The following CDKAL1 variants were observed in gnomAD, a reference collection of about 807,000 sequenced individuals.
The protein encoded by CDKAL1 is CDKAL1 threonylcarbamoyladenosine tRNA methylthiotransferase.
Under a neutral mutation model 68.2 loss-of-function variants are expected in CDKAL1, and 32 were observed. That is an observed-to-expected ratio of 0.47 (90% CI 0.35 to 0.63). The LOEUF is 0.63. Among genes scored for constraint, CDKAL1 ranks in the 30% least tolerant of loss-of-function variants. The pLI is 0.00. For synonymous variants in CDKAL1, 234 were observed against 244.3 expected, an observed-to-expected ratio of 0.96 and a Z score of 0.39; for missense variants, 606 against 696.7, an observed-to-expected ratio of 0.87 and a Z score of 1.47.
At chr6:20,919,280 G>A (rs865829600) in intron 9 of CDKAL1, among the ~76,000 whole-genome samples, 3 of 152,176 alleles carry the variant, frequency 2.0e-5, no homozygotes, top group Non-Finnish European at 4.4e-5. Flanking sequence ...TTTAAATCAC[G>A]ATCAGAGACA....
chr6:20,680,436 A>G (rs1001301198), intron 5 of CDKAL1, among the ~76,000 whole-genome samples: 2 of 152,224 alleles, frequency 1.3e-5, no homozygotes, highest in Non-Finnish European at 2.9e-5. Context: ...ATATGACATT[A>G]TATTTGAAAT....
At chr6:20,877,533 G>A (rs1381454004) in intron 9 of CDKAL1, among the ~76,000 whole-genome samples, 2 of 152,208 alleles carry the variant, frequency 1.3e-5, no homozygotes, top group African/African-American at 4.8e-5. Context: ...GCTGAGACCT[G>A]TGTCACTGAT....
At chr6:20,872,710 G>C (rs376648932) in intron 9 of CDKAL1, among the ~76,000 whole-genome samples, 1,337 of 3,800 alleles carry the variant, frequency 0.35, 20 homozygotes, top group African/African-American at 0.36. Context: ...ATGGTAGGAA[G>C]ATAATTCAGT....
In CDKAL1 at chr6:20,930,549, C is replaced by T. The variant is rs75626385; in HGVS notation, c.743-24870C>T. On this transcript the variant is annotated intron_variant, in intron 9 of 15. Transcript: ENST00000274695. ...ATTTCGTATTTCCAAAGGCAATGGC[C>T]GCTGGTCCAGTAAACAAAACCCATG... is the stretch of plus-strand genomic sequence containing the variant. Among the ~76,000 whole-genome samples the T allele has an allele frequency of 1.5e-3, 231 of 152,212 alleles. No individual in the cohort carries two copies. In the East Asian group the frequency reaches 0.027, roughly 18 times the overall value.
intron 8 of CDKAL1, among the ~76,000 whole-genome samples, chr6:20,822,743 C>G (rs1194188528): frequency 1.3e-5 from 2 of 152,170 alleles, no homozygotes; most frequent in Non-Finnish European, 2.9e-5. Flanking sequence ...TCCCCCTTCA[C>G]TCAGCCCTTC....
intron 13 of CDKAL1, among the ~76,000 whole-genome samples, chr6:21,192,645 C>T (rs1415280717): frequency 1.3e-5 from 2 of 152,066 alleles, no homozygotes. Flanking sequence ...CTTGGAAATA[C>T]TATAGCATTT....
At chr6:21,007,122 T>C (rs904875589) in intron 11 of CDKAL1, among the ~76,000 whole-genome samples, 10 of 152,058 alleles carry the variant, frequency 6.6e-5, no homozygotes, top group Non-Finnish European at 1.3e-4. Context: ...ATAAAACAAA[T>C]GTCAGGGTTC....
intron 13 of CDKAL1, among the ~76,000 whole-genome samples, chr6:21,142,877 A>G (rs1775987745): frequency 6.6e-6 from 1 of 152,234 alleles, no homozygotes; most frequent in Non-Finnish European, 1.5e-5. Context: ...TATGACCCTC[A>G]TAAAGATTGT....
At chr6:21,054,367 T>TA (rs1373177063) in intron 11 of CDKAL1, among the ~76,000 whole-genome samples, 8 of 152,098 alleles carry the variant, frequency 5.3e-5, no homozygotes, top group African/African-American at 1.7e-4. Flanking sequence ...GCTTTATAGT[T>TA]AGTCTTTAAA....
intron 9 of CDKAL1, among the ~76,000 whole-genome samples, chr6:20,920,718 GAAAGCATTTAC>G (rs1205394340): frequency 1.3e-5 from 2 of 152,106 alleles, no homozygotes; most frequent in Non-Finnish European, 2.9e-5. Context: ...GTATGCCCAA[GAAAGCATTTAC>G]AATGAAAAAA....
chr6:21,140,077 A>G (rs560292305), intron 13 of CDKAL1, among the ~76,000 whole-genome samples: 27 of 152,308 alleles, frequency 1.8e-4, no homozygotes, highest in African/African-American at 6.5e-4. Flanking sequence ...CAGAAGATCA[A>G]GGAGGAGGAA....
At chr6:21,203,691 CTTTTT>C (rs915087377) in intron 15 of CDKAL1, among the ~76,000 whole-genome samples, 1 of 94,132 alleles carries the variant, frequency 1.1e-5, no homozygotes, top group Admixed American at 1.1e-4. Context: ...CACTTGACCT[CTTTTT>C]TTTTTTTTTT....
chr6:20,938,820 C>T (rs1414336911), intron 9 of CDKAL1, among the ~76,000 whole-genome samples: 1 of 151,888 alleles, frequency 6.6e-6, no homozygotes, highest in African/African-American at 2.4e-5. Flanking sequence ...ACTTTCTACT[C>T]CAATGGGAAT....
intron 4 of CDKAL1, among the ~76,000 whole-genome samples, chr6:20,629,013 T>G (rs1647248570): frequency 6.6e-6 from 1 of 152,212 alleles, no homozygotes; most frequent in Non-Finnish European, 1.5e-5. Flanking sequence ...CACTTAGGCA[T>G]TACCACCACC....
chr6:20,859,022 T>C (rs1451334627), intron 9 of CDKAL1, among the ~76,000 whole-genome samples: 2 of 152,162 alleles, frequency 1.3e-5, no homozygotes, highest in African/African-American at 4.8e-5. Flanking sequence ...AATTGCATAT[T>C]ATCCATTTTT....
intron 7 of CDKAL1, among the ~76,000 whole-genome samples, chr6:20,762,247 A>G (rs1774501660): frequency 6.6e-6 from 1 of 152,086 alleles, no homozygotes; most frequent in Admixed American, 6.6e-5. Context: ...ACTTGAGTGG[A>G]TTTACTGGAG....
At chr6:20,800,977 G>T (rs111619556) in intron 8 of CDKAL1, among the ~76,000 whole-genome samples, 149 of 152,244 alleles carry the variant, frequency 9.8e-4, no homozygotes, top group African/African-American at 3.5e-3. Context: ...GAGCATGATG[G>T]TGCTTTCAAG....
intron 11 of CDKAL1, among the ~76,000 whole-genome samples, chr6:21,047,273 C>T (rs965974959): frequency 3.3e-5 from 5 of 152,000 alleles, no homozygotes; most frequent in African/African-American, 4.8e-5. Flanking sequence ...TGGAGAAAGG[C>T]TAGGCAGATG....
chr6:20,911,138 ATATG>A (rs747581136), intron 9 of CDKAL1, among the ~76,000 whole-genome samples: 19 of 152,272 alleles, frequency 1.2e-4, no homozygotes, highest in Non-Finnish European at 2.8e-4. Flanking sequence ...CAGATACTTT[ATATG>A]GAGTATCTAA....
Sources: gnomAD v4.1 joint callset for allele counts (sites outside exome capture counted in the v4.1 genomes callset) on GRCh38, gnomAD v4.1.1 for gene constraint, MANE v1.5 for transcripts, NCBI Gene and HGNC (gene_info 2026-07-23, HGNC 2026-07-21) for gene names.